ITPR2: variants seen among roughly 807,000 people sequenced by gnomAD.
The protein encoded by ITPR2 is inositol 1,4,5-trisphosphate-gated calcium channel ITPR2.
In ITPR2, 207 loss-of-function variants were observed where a neutral mutation model predicts 317.1. That is an observed-to-expected ratio of 0.65 (90% CI 0.58 to 0.73). ITPR2 has a LOEUF of 0.73. Ranked by LOEUF, ITPR2 falls within the 30% of genes least tolerant of loss-of-function variation. The pLI is 0.00. For missense variants in ITPR2, 2,613 were observed against 3,284.0 expected, an observed-to-expected ratio of 0.80 and a Z score of 4.99; for synonymous variants, 1,156 against 1,149.1, an observed-to-expected ratio of 1.01 and a Z score of -0.12.
intron 1 of ITPR2, among the ~76,000 whole-genome samples, chr12:26,790,586 T>TACACACACACACACACACACACACACAC (rs10527860): frequency 6.8e-6 from 1 of 147,708 alleles, no homozygotes; most frequent in Non-Finnish European, 1.5e-5. Flanking sequence ...CATATATGCT[T>TACACACACACACACACACACACACACAC]ACACACACAC....
intron 11 of ITPR2, 46 bp from the exon 12 acceptor site, chr12:26,682,719 C>T (rs1236845479): frequency 3.6e-6 from 4 of 1,121,528 alleles, no homozygotes; most frequent in Non-Finnish European, 4.0e-6. Context: ...AAAATTAGCA[C>T]ACTTACATAT....
At chr12:26,673,431 C>T (rs1947835218) in intron 13 of ITPR2, among the ~76,000 whole-genome samples, 1 of 152,006 alleles carries the variant, frequency 6.6e-6, no homozygotes, top group Non-Finnish European at 1.5e-5. Context: ...TAAACAGAAC[C>T]AAAGACAAAA....
At chr12:26,466,247 G>A (rs764950500) in intron 45 of ITPR2, among the ~76,000 whole-genome samples, 13 of 152,284 alleles carry the variant, frequency 8.5e-5, no homozygotes, top group Admixed American at 3.3e-4. Flanking sequence ...CATCTGTTGC[G>A]TTCTGCAGAA....
At chr12:26,707,798 G>A (rs1172680381) in intron 9 of ITPR2, among the ~76,000 whole-genome samples, 1 of 152,008 alleles carries the variant, frequency 6.6e-6, no homozygotes, top group Non-Finnish European at 1.5e-5. Context: ...CTAAAGTGCT[G>A]GGAATACAGA....
At chr12:26,575,469 C>G (rs1292218134) in intron 34 of ITPR2, among the ~76,000 whole-genome samples, 1 of 151,704 alleles carries the variant, frequency 6.6e-6, no homozygotes, top group Non-Finnish European at 1.5e-5. Flanking sequence ...ATTTCCAGAG[C>G]CTTAACTGTT....
chr12:26,686,784 C>G (rs1162338832), intron 10 of ITPR2, 152 bp from the exon 11 acceptor site: 1 of 690,882 alleles, frequency 1.4e-6, no homozygotes, highest in East Asian at 2.8e-5. Context: ...AGCTCTAGCC[C>G]GACAGCCATT....
intron 13 of ITPR2, among the ~76,000 whole-genome samples, chr12:26,674,949 C>T (rs1014690174): frequency 1.8e-4 from 28 of 152,056 alleles, no homozygotes; most frequent in Admixed American, 1.8e-3. Context: ...TGAAAAAATG[C>T]TCACCATCAC....
intron 1 of ITPR2, among the ~76,000 whole-genome samples, chr12:26,798,041 C>A (rs898019768): frequency 1.3e-5 from 2 of 151,920 alleles, no homozygotes; most frequent in Non-Finnish European, 1.5e-5. Flanking sequence ...TAACTTGATC[C>A]CCCAACGCTG....
intron 11 of ITPR2, among the ~76,000 whole-genome samples, chr12:26,683,443 G>A (rs1354793788): frequency 1.3e-5 from 2 of 152,168 alleles, no homozygotes; most frequent in Non-Finnish European, 2.9e-5. Context: ...GCCATCTAGT[G>A]TTCCTAAAGC....
chr12:26,417,767 A>G (rs1037793489), intron 50 of ITPR2, among the ~76,000 whole-genome samples: 1 of 147,542 alleles, frequency 6.8e-6, no homozygotes, highest in Non-Finnish European at 1.5e-5. Flanking sequence ...TGATATTCCT[A>G]TCCATTTTAT....
chr12:26,389,252 C>T (rs1939761976), intron 54 of ITPR2, among the ~76,000 whole-genome samples: 1 of 152,192 alleles, frequency 6.6e-6, no homozygotes, highest in African/African-American at 2.4e-5. Context: ...GCTCCTCCAC[C>T]TCCTCAAGAT....
intron 50 of ITPR2, 64 bp downstream of exon 50, chr12:26,418,985 G>A: frequency 7.4e-7 from 1 of 1,356,744 alleles, no homozygotes. Context: ...AAAGGAAGAG[G>A]CATAAGAAGC....
chr12:26,710,005 G>A (rs1207229007), intron 9 of ITPR2, among the ~76,000 whole-genome samples: 2 of 152,160 alleles, frequency 1.3e-5, no homozygotes, highest in Non-Finnish European at 1.5e-5. Flanking sequence ...TTGGGAGGCC[G>A]AGGCAGGCGC....
chr12:26,759,326 TTG>T (rs1245660791), intron 2 of ITPR2, among the ~76,000 whole-genome samples: 1 of 152,220 alleles, frequency 6.6e-6, no homozygotes, highest in Non-Finnish European at 1.5e-5. Flanking sequence ...TTTTTTTCCT[TTG>T]TCCATGTAAA....
In ITPR2 at chr12:26,339,341, T is replaced by C. The variant is rs921050879; in HGVS notation, c.*56A>G. The C allele has an allele frequency of 1.4e-6, 2 of 1,433,170 alleles. No individual in the cohort carries two copies. The highest frequency in any genetic ancestry group is 3.4e-5 in the Admixed American group (2 of 59,086). The allele number at this position is 1,433,170 out of a possible 1,614,324, so 88.8% of individuals were successfully genotyped here. On this transcript the variant is annotated 3_prime_UTR_variant, in exon 57 of 57. Transcript: ENST00000381340. ...CACTCCCCTCCATCTCAGTTCTTTATTCAGTGATCAGGCAGGACACTGATG... is the reference window on the plus strand; with the variant it reads ...CACTCCCCTCCATCTCAGTTCTTTACTCAGTGATCAGGCAGGACACTGATG...
At chr12:26,443,159 T>A (rs1941526512) in intron 46 of ITPR2, among the ~76,000 whole-genome samples, 1 of 152,172 alleles carries the variant, frequency 6.6e-6, no homozygotes, top group Non-Finnish European at 1.5e-5. Context: ...ACTCCACTTG[T>A]GAATTGCTGG....
At chr12:26,714,807 A>T (rs1592063577) in intron 8 of ITPR2, among the ~76,000 whole-genome samples, 1 of 152,352 alleles carries the variant, frequency 6.6e-6, no homozygotes, top group South Asian at 2.1e-4. Flanking sequence ...TGATACTTTT[A>T]AAAAGATGAA....
intron 28 of ITPR2, among the ~76,000 whole-genome samples, chr12:26,600,850 G>A (rs951396789): frequency 6.6e-6 from 1 of 151,392 alleles, no homozygotes; most frequent in Non-Finnish European, 1.5e-5. Context: ...ACTCATCTCA[G>A]TTCTTCCTCT....
intron 39 of ITPR2, among the ~76,000 whole-genome samples, chr12:26,489,319 G>A (rs1942745966): frequency 6.6e-6 from 1 of 152,194 alleles, no homozygotes; most frequent in South Asian, 2.1e-4. Context: ...AGGCAGAGAA[G>A]GGAAGGGAAG....
Sources: gnomAD v4.1 joint callset for allele counts (sites outside exome capture counted in the v4.1 genomes callset) on GRCh38, gnomAD v4.1.1 for gene constraint, MANE v1.5 for transcripts, NCBI Gene and HGNC (gene_info 2026-07-23, HGNC 2026-07-21) for gene names.